EPRS1: variants seen among roughly 807,000 people sequenced by gnomAD.
EPRS1 encodes glutamyl-prolyl-tRNA synthetase 1, also known as bifunctional glutamate/proline--tRNA ligase.
EPRS1 carries 107 observed loss-of-function variants against 188.3 expected under a neutral mutation model. That is an observed-to-expected ratio of 0.57 (90% CI 0.49 to 0.67). EPRS1 has a LOEUF of 0.67. Among genes scored for constraint, EPRS1 ranks in the 30% least tolerant of loss-of-function variants. EPRS1 has a pLI of 0.00. For synonymous variants in EPRS1, 596 were observed against 593.1 expected, an observed-to-expected ratio of 1.00 and a Z score of -0.07; for missense variants, 1,577 against 1,802.2, an observed-to-expected ratio of 0.88 and a Z score of 2.26.
rs772762301 is a variant in EPRS1 at position 220,011,072 on chromosome 1, C to A, written c.1495-16G>T. 1.4e-6 allele frequency: 2 copies of A among 1,428,980 alleles called. No individual in the cohort carries two copies. Among genetic ancestry groups the A allele is most frequent in the South Asian group, 2.3e-5 (2 of 87,242 alleles). 88.5% of individuals were successfully genotyped at this position (1,428,980 alleles called of 1,614,324 possible). On this transcript the variant is annotated splice_polypyrimidine_tract_variant and intron_variant, in intron 12 of 31. Coordinates refer to ENST00000366923, the MANE Select transcript of EPRS1 (RefSeq NM_004446.3). ...GGTCAATAACCTGCAACAAATACATCCTCATGTTAAAACACTGCGATATCT... is the reference window on the plus strand; with the variant it reads ...GGTCAATAACCTGCAACAAATACATACTCATGTTAAAACACTGCGATATCT...
rs201934077 is a variant in EPRS1 at position 219,969,008 on chromosome 1, T to C, written c.4388+50A>G. Reference sequence around the variant, plus strand: ...CACTCATTTATGCTGCAAATTGCTATTCCTTTCCATTGCAATTTTTCAAAA... The same window carrying C: ...CACTCATTTATGCTGCAAATTGCTACTCCTTTCCATTGCAATTTTTCAAAA... On this transcript the variant is annotated intron_variant, in intron 31 of 31. Transcript: ENST00000366923. 200 of 1,611,844 alleles carry C rather than the reference T, an allele frequency of 1.2e-4. No individual in the cohort carries two copies. The African/African-American group carries it at 2.3e-3, about 19-fold the overall frequency.
At chr1:220,024,525 T>C in intron 7 of EPRS1, 69 bp from the exon 8 acceptor site, 1 of 1,036,042 alleles carries the variant, frequency 9.7e-7, no homozygotes. Context: ...CAACCCTTGA[T>C]ACTGCATTTA....
intron 7 of EPRS1, 139 bp from the exon 8 acceptor site, chr1:220,024,595 T>C (rs1260626317): frequency 1.0e-5 from 6 of 582,966 alleles, no homozygotes; most frequent in South Asian, 2.5e-5. Context: ...GGAAGTTACA[T>C]GATATTAGAT....
At chr1:219,974,764 G>T (rs1023799851) in intron 28 of EPRS1, among the ~76,000 whole-genome samples, 3 of 151,976 alleles carry the variant, frequency 2.0e-5, no homozygotes, top group Non-Finnish European at 4.4e-5. Context: ...TATTATACTG[G>T]ATGTATTACA....
Position 220,006,179 on chromosome 1 carries a change from T to A in EPRS1, c.1877A>T (p.Tyr626Phe). Residue 626 changes from tyrosine to phenylalanine, a missense_variant, in exon 15 of 32, where the codon TAT becomes TTT. This residue lies in a region of EPRS1 where 1,278 missense variants were observed against 1,457.4 expected (regional missense o/e 0.88). Transcript: ENST00000366923. ...CACTGGCTTTGTGATCAAGTGCTCA[T>A]AAGTGACACAGATTACTGGAATAGG... ...ALPIPVICVT[Y>F]EHLITKPVLG... 1 of 1,602,462 alleles carries A rather than the reference T, an allele frequency of 6.2e-7. No homozygotes were observed. Among genetic ancestry groups the A allele is most frequent in the Non-Finnish European group, 8.5e-7 (1 of 1,172,982 alleles).
chr1:219,988,436 TCAA>T lies in EPRS1; in HGVS notation c.2775+151_2775+153del, dbSNP rs1373407446. ...CAAATCTAGTTGGCGTAAGAAACAA[TCAA>T]CAAAGTTTCTCTAAAAGGCAAGGTA... On this transcript the variant is annotated intron_variant, in intron 19 of 31. Coordinates refer to ENST00000366923, the MANE Select transcript of EPRS1 (RefSeq NM_004446.3). Among the ~76,000 whole-genome samples, 3 of 152,048 alleles carry T rather than the reference TCAA, an allele frequency of 2.0e-5. No individual in the cohort carries two copies. In the East Asian group the frequency reaches 5.8e-4, roughly 29 times the overall value.
At chr1:220,045,598 A>G (rs1168990803) in intron 1 of EPRS1, among the ~76,000 whole-genome samples, 1 of 152,220 alleles carries the variant, frequency 6.6e-6, no homozygotes, top group Non-Finnish European at 1.5e-5. Flanking sequence ...ATCTACCAAC[A>G]ATAATCTTGG....
At position 220,020,824 on chromosome 1, in the gene EPRS1, TTATATATATATATATATATATATATA is replaced by T. The variant is rs71169429; in HGVS notation, c.1116-629_1116-604del. ...ATTTACATGCAGTATCAATTTGAATTTATATATATATATATATATATATATATATATATATATATATATATATTAGT... is the reference window on the plus strand; with the variant it reads ...ATTTACATGCAGTATCAATTTGAATTTATATATATATATATATATATTAGT... On this transcript the variant is annotated intron_variant, in intron 9 of 31. Coordinates refer to ENST00000366923, the MANE Select transcript of EPRS1 (RefSeq NM_004446.3). 5.9e-4 allele frequency among the ~76,000 whole-genome samples: 64 copies of T among 109,272 alleles called. 1 individual carries two copies. The highest frequency in any genetic ancestry group is 1.7e-3 in the African/African-American group (50 of 29,700). The allele number at this position is 109,272 out of a possible 152,430, so 71.7% of individuals were successfully genotyped here. A position where few individuals can be genotyped will look rare whatever the true frequency, so the allele number is the denominator to read the frequency against.
chr1:220,024,349 T>C lies in EPRS1; in HGVS notation c.858A>G (p.Glu286=). 6.2e-7 allele frequency: 1 copy of C among 1,613,496 alleles called. No homozygotes were observed. Among genetic ancestry groups the C allele is most frequent in the Non-Finnish European group, 8.5e-7 (1 of 1,179,472 alleles). ...IMKYAEKLIQ[E]GKAYVDDTPA... The stretch of plus-strand genomic sequence containing the variant: ...GAGTATCATCCACATAAGCCTTCCC[T>C]TCTTGAATTAGCTTCTCTGCATACT... The change falls in exon 8 of 32, where the codon GAA becomes GAG. Residue 286 remains glutamate, a synonymous_variant. Transcript: ENST00000366923.
In EPRS1 at chr1:220,022,436, A is replaced by T; in HGVS notation, c.1026T>A (p.Ile342=). 1 of 1,614,152 alleles carries T rather than the reference A, an allele frequency of 6.2e-7. No individual in the cohort carries two copies. Among genetic ancestry groups the T allele is most frequent in the Admixed American group, 1.7e-5 (1 of 60,020 alleles). Reference sequence around the variant, plus strand: ...TGCATCCATTGTTACTACTCATGTCAATTTTTGCTCGCAAACAACAGGACT... The same window carrying T: ...TGCATCCATTGTTACTACTCATGTCTATTTTTGCTCGCAAACAACAGGACT... ...FGQSCCLRAK[I]DMSSNNGCMR... The change falls in exon 9 of 32, where the codon ATT becomes ATA. Residue 342 remains isoleucine (I), a synonymous_variant. Coordinates refer to ENST00000366923, the MANE Select transcript of EPRS1 (RefSeq NM_004446.3).
chr1:219,981,087 T>C (rs897427463), intron 24 of EPRS1, among the ~76,000 whole-genome samples: 1 of 151,974 alleles, frequency 6.6e-6, no homozygotes, highest in Non-Finnish European at 1.5e-5. Context: ...TTAGTAGAGA[T>C]GTGGTTTTGC....
At position 220,019,039 on chromosome 1, in the gene EPRS1, T is replaced by G. The variant is rs1284907414; in HGVS notation, c.1390A>C (p.Arg464=). 6.2e-7 allele frequency: 1 copy of G among 1,613,470 alleles called. No individual in the cohort carries two copies. The highest frequency in any genetic ancestry group is 8.5e-7 in the Non-Finnish European group (1 of 1,179,486). ...RFPTVRGVLR[R]GMTVEGLKQF... ...TTCAGTCCTTCAACTGTCATCCCTC[T>G]TCTCAGTACACCACGAACCGTAGGA... Residue 464 remains arginine (R), a synonymous_variant, in exon 11 of 32, where the codon AGA becomes CGA. Coordinates refer to ENST00000366923, the MANE Select transcript of EPRS1 (RefSeq NM_004446.3).
intron 1 of EPRS1, among the ~76,000 whole-genome samples, chr1:220,040,793 T>G (rs1393561137): frequency 1.3e-5 from 2 of 150,756 alleles, no homozygotes; most frequent in East Asian, 3.9e-4. Flanking sequence ...GAGGTTGTGG[T>G]GAGCCGAGAT....
Position 220,019,993 on chromosome 1 carries a change from A to G in EPRS1, c.1344T>C (p.Asp448=). Residue 448 remains aspartate, a synonymous_variant, in exon 10 of 32, where the codon GAT becomes GAC. Coordinates refer to ENST00000366923, the MANE Select transcript of EPRS1 (RefSeq NM_004446.3). ...LTWFVNEGLV[D]GWDDPRFPTV... ...CTAAGTAACATTAAACATACCATCC[A>G]TCTACTAGTCCTTCATTGACAAACC... is the stretch of plus-strand genomic sequence containing the variant. The G allele has an allele frequency of 6.2e-7, 1 of 1,600,038 alleles. No homozygotes were observed. Among genetic ancestry groups the G allele is most frequent in the Non-Finnish European group, 8.6e-7 (1 of 1,167,314 alleles).
chr1:220,040,436 C>G (rs571132172), intron 1 of EPRS1, among the ~76,000 whole-genome samples, 167 bp from the exon 2 acceptor site: 177 of 152,312 alleles, frequency 1.2e-3, no homozygotes, highest in African/African-American at 4.1e-3. Context: ...TGTCTCAGAG[C>G]AGCAACAAAT....
chr1:220,008,516 A>G (rs1661540729), intron 13 of EPRS1, among the ~76,000 whole-genome samples: 1 of 152,182 alleles, frequency 6.6e-6, no homozygotes, highest in Admixed American at 6.5e-5. Flanking sequence ...TTAACAACAG[A>G]TAACATACTA....
chr1:219,983,255 G>A lies in EPRS1; in HGVS notation c.3234C>T (p.Phe1078=), dbSNP rs1319256215. ...IKKLGVENCY[F]PMFVSQSALE... ...ATGCACTTTGAGACACAAACATGGG[G>A]AAGTAGCAGTTTTCAACACCAAGTT... Residue 1078 remains phenylalanine, a synonymous_variant, in exon 22 of 32, where the codon TTC becomes TTT. Coordinates refer to ENST00000366923, the MANE Select transcript of EPRS1 (RefSeq NM_004446.3). The A allele has an allele frequency of 1.2e-6, 2 of 1,613,998 alleles. No individual in the cohort carries two copies. The highest frequency in any genetic ancestry group is 1.7e-6 in the Non-Finnish European group (2 of 1,179,998).
chr1:219,995,695 ATAAAGG>A (rs1476666631), intron 18 of EPRS1, among the ~76,000 whole-genome samples: 2 of 152,328 alleles, frequency 1.3e-5, no homozygotes, highest in East Asian at 3.9e-4. Context: ...CACTGACCTA[ATAAAGG>A]ATTTCTCAAC....
intron 13 of EPRS1, among the ~76,000 whole-genome samples, chr1:220,010,288 T>C (rs2248479): frequency 0.8 from 121,729 of 151,774 alleles, 48,980 homozygotes; most frequent in East Asian, 0.93. Context: ...TCAGATTCCA[T>C]ATAAAGATAG....
Sources: gnomAD v4.1 joint callset for allele counts (sites outside exome capture counted in the v4.1 genomes callset) on GRCh38, gnomAD v4.1.1 for gene constraint, gnomAD v4.1.1 regional missense constraint, MANE v1.5 for transcripts, NCBI Gene and HGNC (gene_info 2026-07-23, HGNC 2026-07-21) for gene names.